The following TNR variants were observed in gnomAD, a reference collection of about 807,000 sequenced individuals.
The protein encoded by TNR is tenascin R, also known as tenascin-R.
In TNR, 45 loss-of-function variants were observed where a neutral mutation model predicts 150.4. The ratio of observed to expected loss-of-function variants is 0.30; its 90% CI spans 0.24 to 0.38. TNR has a LOEUF of 0.38. Among genes scored for constraint, TNR ranks in the 10% least tolerant of loss-of-function variants. The pLI, the probability that TNR is intolerant of heterozygous loss-of-function variation, is 1.00. For synonymous variants in TNR, 687 were observed against 678.4 expected (o/e 1.01, Z -0.20); for missense variants, 1,544 against 1,759.1 (o/e 0.88, Z 2.19).
intron 18 of TNR, among the ~76,000 whole-genome samples, chr1:175,348,388 A>AG (rs958403306): frequency 6.6e-5 from 10 of 152,256 alleles, no homozygotes; most frequent in Admixed American, 1.3e-4. Context: ...AAAATTTTTG[A>AG]GGGGGGGACT....
At chr1:175,328,289 T>G (rs1274475637) in intron 21 of TNR, among the ~76,000 whole-genome samples, 2 of 152,206 alleles carry the variant, frequency 1.3e-5, no homozygotes, top group Non-Finnish European at 2.9e-5. Flanking sequence ...AACCTCTGAT[T>G]GATAACTTAA....
chr1:175,361,159 T>C (rs1047835025), intron 14 of TNR, among the ~76,000 whole-genome samples: 10 of 152,186 alleles, frequency 6.6e-5, no homozygotes, highest in African/African-American at 2.4e-4. Flanking sequence ...ACTCCTGGAT[T>C]CAAGCGATCC....
Position 175,546,660 on chromosome 1 carries a change from C to T in TNR, c.-164-18291G>A, listed in dbSNP as rs564291552. Among the ~76,000 whole-genome samples, 38 of 152,308 alleles carry T rather than the reference C, an allele frequency of 2.5e-4. No individual in the cohort carries two copies. In the South Asian group the frequency reaches 7.9e-3, roughly 32 times the overall value. On this transcript the variant is annotated intron_variant, in intron 1 of 22. Transcript: ENST00000367674. Reference sequence around the variant, plus strand: ...TCAAAGTGTGAGTGGCCTTTCATCACTATCGAGTCTGTGGGACATGGTGTG... The same window carrying T: ...TCAAAGTGTGAGTGGCCTTTCATCATTATCGAGTCTGTGGGACATGGTGTG...
At chr1:175,562,030 T>TCA (rs1661450540) in intron 1 of TNR, among the ~76,000 whole-genome samples, 1 of 152,182 alleles carries the variant, frequency 6.6e-6, no homozygotes. Flanking sequence ...CTTCCTGCCA[T>TCA]CACCTGTGGA....
intron 1 of TNR, among the ~76,000 whole-genome samples, chr1:175,713,234 T>G (rs1667066084): frequency 6.6e-6 from 1 of 152,224 alleles, no homozygotes; most frequent in African/African-American, 2.4e-5. Flanking sequence ...GAATCAAGTC[T>G]TGTAATTCTT....
chr1:175,528,512 T>A (rs1305163402), intron 1 of TNR, 143 bp from the exon 2 acceptor site: 1 of 152,176 alleles, frequency 6.6e-6, no homozygotes. Flanking sequence ...CAAAGAAAAT[T>A]GTTGCTTAGT....
intron 1 of TNR, among the ~76,000 whole-genome samples, chr1:175,567,319 C>T (rs1036459975): frequency 2.6e-5 from 4 of 152,110 alleles, no homozygotes; most frequent in African/African-American, 9.7e-5. Context: ...CAAGCGAGTC[C>T]CTGAGAGCTG....
intron 9 of TNR, among the ~76,000 whole-genome samples, chr1:175,374,344 T>G (rs1652267577): frequency 6.6e-6 from 1 of 152,166 alleles, no homozygotes; most frequent in African/African-American, 2.4e-5. Context: ...AGGACGTACT[T>G]GCAGGCATCA....
intron 1 of TNR, among the ~76,000 whole-genome samples, chr1:175,546,036 G>C (rs973297367): frequency 1.3e-5 from 2 of 152,218 alleles, no homozygotes; most frequent in Non-Finnish European, 2.9e-5. Flanking sequence ...GGGGTACCAA[G>C]TTGGTTTGTT....
intron 1 of TNR, among the ~76,000 whole-genome samples, chr1:175,563,174 G>C (rs962935164): frequency 6.6e-6 from 1 of 152,170 alleles, no homozygotes; most frequent in African/African-American, 2.4e-5. Flanking sequence ...TTTAAAGTAT[G>C]TTTTCATACA....
chr1:175,500,621 A>G (rs921954615), intron 2 of TNR, among the ~76,000 whole-genome samples: 3 of 152,212 alleles, frequency 2.0e-5, no homozygotes, highest in African/African-American at 7.2e-5. Context: ...TAAAAGCAGA[A>G]CCAGATGCTG....
intron 18 of TNR, among the ~76,000 whole-genome samples, chr1:175,350,372 T>C (rs1650998522): frequency 6.6e-6 from 1 of 152,234 alleles, no homozygotes; most frequent in Non-Finnish European, 1.5e-5. Context: ...TTGCTTTTTA[T>C]AGTATTAAAA....
intron 2 of TNR, among the ~76,000 whole-genome samples, chr1:175,512,501 A>T (rs1421847701): frequency 6.6e-6 from 1 of 152,310 alleles, no homozygotes; most frequent in East Asian, 1.9e-4. Flanking sequence ...CCTCCCTCCA[A>T]CATATCCCTA....
In TNR at chr1:175,505,116, T is replaced by C. The variant is rs980324463; in HGVS notation, c.-64+23153A>G. ...CCAGGTCCAGGAACCGAATACAAGG[T>C]CGTTTCCAATCTGCAGCCCCCAAAC... On this transcript the variant is annotated intron_variant, in intron 2 of 22. Transcript: ENST00000367674. Among the ~76,000 whole-genome samples the C allele has an allele frequency of 4.8e-5, 7 of 145,854 alleles. No homozygotes were observed. In the South Asian group the frequency reaches 1.6e-3, roughly 33 times the overall value.
Position 175,406,511 on chromosome 1 carries a change from C to T in TNR, c.204G>A (p.Val68=). The T allele has an allele frequency of 6.2e-7, 1 of 1,614,182 alleles. No homozygotes were observed. The highest frequency in any genetic ancestry group is 8.5e-7 in the Non-Finnish European group (1 of 1,180,042). The change falls in exon 3 of 23, where the codon GTG becomes GTA. Residue 68 remains valine (V), a synonymous_variant. Transcript: ENST00000367674. ...TGTCCAAGGGCACGTTAATGTTGTA[C>T]ACGTGGTTGAAGACCACAGGCTGCT... ...SKEQPVVFNH[V]YNINVPLDNL...
chr1:175,513,075 C>T (rs548534126), intron 2 of TNR, among the ~76,000 whole-genome samples: 9 of 152,174 alleles, frequency 5.9e-5, no homozygotes, highest in Non-Finnish European at 1.0e-4. Context: ...CAGGAAACCA[C>T]ATTTTGTAAT....
chr1:175,648,858 C>G (rs1357689574), intron 1 of TNR, among the ~76,000 whole-genome samples: 1 of 152,190 alleles, frequency 6.6e-6, no homozygotes, highest in African/African-American at 2.4e-5. Context: ...AGGAGCCACC[C>G]TTGCTATCTC....
chr1:175,717,798 T>C (rs1295386531), intron 1 of TNR, among the ~76,000 whole-genome samples: 2 of 152,198 alleles, frequency 1.3e-5, no homozygotes, highest in Non-Finnish European at 2.9e-5. Flanking sequence ...AAAGCACAGA[T>C]GTCACAGTTT....
intron 1 of TNR, among the ~76,000 whole-genome samples, chr1:175,606,652 C>T (rs947128873): frequency 6.6e-6 from 1 of 152,142 alleles, no homozygotes; most frequent in Non-Finnish European, 1.5e-5. Flanking sequence ...TTGTCCAGAG[C>T]AGCTCTGTTG....
Sources: gnomAD v4.1 joint callset for allele counts (sites outside exome capture counted in the v4.1 genomes callset) on GRCh38, gnomAD v4.1.1 for gene constraint, MANE v1.5 for transcripts, NCBI Gene and HGNC (gene_info 2026-07-23, HGNC 2026-07-21) for gene names.